SPOCK1: variants seen among roughly 807,000 people sequenced by gnomAD.
SPOCK1 encodes SPARC (osteonectin), cwcv and kazal like domains proteoglycan 1.
Under a neutral mutation model 55.3 loss-of-function variants are expected in SPOCK1, and 23 were observed. The ratio of observed to expected loss-of-function variants is 0.42; its 90% CI spans 0.30 to 0.59. The LOEUF is 0.59. Ranked by LOEUF, SPOCK1 falls within the 20% of genes least tolerant of loss-of-function variation. The pLI is 0.22. For missense variants in SPOCK1, 499 were observed against 552.5 expected, an observed-to-expected ratio of 0.90 and a Z score of 0.97; for synonymous variants, 226 against 221.0, an observed-to-expected ratio of 1.02 and a Z score of -0.20.
At chr5:137,071,896 C>G (rs1561598747) in intron 5 of SPOCK1, among the ~76,000 whole-genome samples, 1 of 152,236 alleles carries the variant, frequency 6.6e-6, no homozygotes, top group Non-Finnish European at 1.5e-5. Flanking sequence ...CAGCTTTACA[C>G]TAAGGACTCT....
At chr5:137,127,025 G>A (rs552732315) in intron 4 of SPOCK1, among the ~76,000 whole-genome samples, 14 of 152,308 alleles carry the variant, frequency 9.2e-5, no homozygotes, top group South Asian at 2.1e-4. Flanking sequence ...TATTCATATT[G>A]TAAAGAATGA....
intron 3 of SPOCK1, among the ~76,000 whole-genome samples, chr5:137,225,805 C>G (rs1268902527): frequency 2.6e-5 from 4 of 152,096 alleles, no homozygotes; most frequent in Non-Finnish European, 5.9e-5. Context: ...ACAACTGTGC[C>G]AAAGAAAGGA....
intron 2 of SPOCK1, among the ~76,000 whole-genome samples, chr5:137,441,728 T>C (rs537310755): frequency 1.4e-4 from 22 of 152,310 alleles, no homozygotes; most frequent in Non-Finnish European, 2.9e-4. Context: ...GGGTAATTCA[T>C]TAGCAAAAGA....
chr5:137,213,108 T>C (rs570788854), intron 3 of SPOCK1, among the ~76,000 whole-genome samples: 1 of 152,234 alleles, frequency 6.6e-6, no homozygotes, highest in East Asian at 1.9e-4. Flanking sequence ...ATCTGGGGCA[T>C]AGTCATGGGT....
At chr5:137,498,930 T>C (rs1486099570) in intron 1 of SPOCK1, among the ~76,000 whole-genome samples, 1 of 150,910 alleles carries the variant, frequency 6.6e-6, no homozygotes, top group Non-Finnish European at 1.5e-5. Context: ...GCACACGGCT[T>C]TGGGGCAGGA....
intron 6 of SPOCK1, among the ~76,000 whole-genome samples, chr5:137,049,019 C>G (rs1159108900): frequency 7.2e-6 from 1 of 139,836 alleles, no homozygotes; most frequent in Admixed American, 7.3e-5. Flanking sequence ...CGCTGTTAGT[C>G]TGATGGGCTT....
At chr5:137,485,502 A>G (rs746738225) in intron 2 of SPOCK1, among the ~76,000 whole-genome samples, 2 of 152,244 alleles carry the variant, frequency 1.3e-5, no homozygotes, top group Non-Finnish European at 2.9e-5. Context: ...AAACTAGTTA[A>G]CTGCATCTCT....
intron 3 of SPOCK1, among the ~76,000 whole-genome samples, chr5:137,217,031 G>A (rs538936783): frequency 6.6e-6 from 1 of 152,274 alleles, no homozygotes; most frequent in Non-Finnish European, 1.5e-5. Flanking sequence ...TAGGTTGGGA[G>A]AAGGGAGTGG....
chr5:137,138,701 AC>A (rs33985139), intron 4 of SPOCK1, among the ~76,000 whole-genome samples: 4,629 of 139,108 alleles, frequency 0.033, 93 homozygotes, highest in African/African-American at 0.051. Flanking sequence ...TCAAATAATA[AC>A]CCCCCCCCCC....
At chr5:137,194,923 G>A in intron 3 of SPOCK1, among the ~76,000 whole-genome samples, 1 of 152,196 alleles carries the variant, frequency 6.6e-6, no homozygotes, top group East Asian at 1.9e-4. Context: ...CCCTGGTCCT[G>A]TCTGGTCAGG....
chr5:137,040,598 T>C (rs1046215527), intron 6 of SPOCK1, among the ~76,000 whole-genome samples: 28 of 152,250 alleles, frequency 1.8e-4, no homozygotes, highest in African/African-American at 6.3e-4. Flanking sequence ...GCTGAAGCCT[T>C]AGCTAAATCT....
intron 6 of SPOCK1, among the ~76,000 whole-genome samples, chr5:137,043,225 G>A (rs770156122): frequency 5.3e-5 from 8 of 152,006 alleles, no homozygotes; most frequent in Non-Finnish European, 7.4e-5. Flanking sequence ...TCTTAGTATT[G>A]GATTAATAGT....
intron 2 of SPOCK1, among the ~76,000 whole-genome samples, chr5:137,283,073 G>A (rs1757195977): frequency 2.0e-5 from 3 of 152,198 alleles, no homozygotes; most frequent in Admixed American, 6.5e-5. Flanking sequence ...GTAAGGATGC[G>A]AGGCTCAGTT....
At chr5:137,112,755 T>C (rs1273502759) in intron 4 of SPOCK1, among the ~76,000 whole-genome samples, 194 bp from the exon 5 acceptor site, 1 of 149,320 alleles carries the variant, frequency 6.7e-6, no homozygotes, top group African/African-American at 2.5e-5. Flanking sequence ...CCCAGAAGCA[T>C]AGATTCAACA....
At chr5:137,353,862 C>T (rs1750733744) in intron 2 of SPOCK1, among the ~76,000 whole-genome samples, 1 of 152,122 alleles carries the variant, frequency 6.6e-6, no homozygotes, top group Non-Finnish European at 1.5e-5. Context: ...AGAAGGGTAA[C>T]ACCTAAGTTT....
chr5:137,228,992 A>AC (rs1756000503), intron 3 of SPOCK1, among the ~76,000 whole-genome samples: 1 of 152,166 alleles, frequency 6.6e-6, no homozygotes, highest in African/African-American at 2.4e-5. Context: ...ACGCACTGCA[A>AC]ATACAGGCAC....
rs377712622 is a variant in SPOCK1 at position 137,369,436 on chromosome 5, TGAG to T, written c.187-102384_187-102382del. Among the ~76,000 whole-genome samples the T allele has an allele frequency of 4.8e-3, 733 of 152,274 alleles. 11 individuals carry two copies. The highest frequency in any genetic ancestry group is 0.017 in the African/African-American group (705 of 41,546). On this transcript the variant is annotated intron_variant, in intron 2 of 10. Coordinates refer to ENST00000394945, the MANE Select transcript of SPOCK1 (RefSeq NM_004598.4). ...ATGACAGGGCTGTAAGAGATCCTCC[TGAG>T]GAGAACATATATAAGCAAAACCCCA...
At chr5:136,985,333 A>G (rs1750817816) in intron 8 of SPOCK1, 131 bp from the exon 9 acceptor site, 5 of 882,158 alleles carry the variant, frequency 5.7e-6, no homozygotes, top group Non-Finnish European at 9.2e-6. Flanking sequence ...TGCTGTTACT[A>G]TGCAAGAAAA....
chr5:137,108,615 A>G (rs1233071276), intron 5 of SPOCK1, among the ~76,000 whole-genome samples: 1 of 152,196 alleles, frequency 6.6e-6, no homozygotes, highest in Non-Finnish European at 1.5e-5. Flanking sequence ...GGAATATGGG[A>G]GAAGAATATT....
Sources: gnomAD v4.1 joint callset for allele counts (sites outside exome capture counted in the v4.1 genomes callset) on GRCh38, gnomAD v4.1.1 for gene constraint, MANE v1.5 for transcripts, NCBI Gene and HGNC (gene_info 2026-07-23, HGNC 2026-07-21) for gene names.